The following DYNC1I1 variants were observed in gnomAD, a reference collection of about 807,000 sequenced individuals.
The protein encoded by DYNC1I1 is dynein cytoplasmic 1 intermediate chain 1.
DYNC1I1 carries 43 observed loss-of-function variants against 86.6 expected under a neutral mutation model. That is an observed-to-expected ratio of 0.50 (90% CI 0.39 to 0.64). DYNC1I1 has a LOEUF of 0.64. DYNC1I1 is among the 30% of genes least tolerant of loss of function. DYNC1I1 has a pLI of 0.00. For synonymous variants in DYNC1I1, 262 were observed against 283.7 expected, an observed-to-expected ratio of 0.92 and a Z score of 0.77; for missense variants, 604 against 788.8, an observed-to-expected ratio of 0.77 and a Z score of 2.81.
intron 13 of DYNC1I1, 56 bp downstream of exon 13, chr7:96,035,808 TCA>T: frequency 6.3e-7 from 1 of 1,593,226 alleles, no homozygotes; most frequent in African/African-American, 1.4e-5. Flanking sequence ...AAGTCTGTTA[TCA>T]CATTCTGGAT....
chr7:95,785,124 A>G (rs1195383007), intron 1 of DYNC1I1, among the ~76,000 whole-genome samples: 3 of 152,202 alleles, frequency 2.0e-5, no homozygotes, highest in Non-Finnish European at 4.4e-5. Context: ...TGTGACAGCC[A>G]TTAAAAACAA....
chr7:95,972,506 G>A (rs1053647863), intron 6 of DYNC1I1, among the ~76,000 whole-genome samples: 16 of 151,596 alleles, frequency 1.1e-4, no homozygotes, highest in African/African-American at 3.4e-4. Flanking sequence ...CCTGGGCTTC[G>A]AGAGAGGAAA....
At chr7:96,089,459 G>A (rs1228819728) in intron 16 of DYNC1I1, among the ~76,000 whole-genome samples, 1 of 152,090 alleles carries the variant, frequency 6.6e-6, no homozygotes, top group East Asian at 1.9e-4. Context: ...TAGCCTCCAA[G>A]TTGGCTACAG....
At position 95,830,888 on chromosome 7, in the gene DYNC1I1, A is replaced by T. The variant is rs140558515; in HGVS notation, c.374+2772A>T. 1.7e-3 allele frequency among the ~76,000 whole-genome samples: 260 copies of T among 152,236 alleles called. 2 individuals are homozygous for T. The highest frequency in any genetic ancestry group is 0.013 in the South Asian group (61 of 4,826). ...CGCTTAGTTTGAGCTTCTTAAAAGA[A>T]ATTATTAATTTGTTAACTATTATTA... On this transcript the variant is annotated intron_variant, in intron 5 of 16. Coordinates refer to ENST00000447467, the MANE Select transcript of DYNC1I1 (RefSeq NM_001135556.2).
chr7:96,092,766 T>G (rs576913155), intron 16 of DYNC1I1, among the ~76,000 whole-genome samples: 4 of 152,266 alleles, frequency 2.6e-5, no homozygotes, highest in African/African-American at 9.6e-5. Flanking sequence ...AAATGATACA[T>G]TTTCATGAAT....
At chr7:95,991,014 T>C (rs1422653787) in intron 9 of DYNC1I1, among the ~76,000 whole-genome samples, 1 of 149,734 alleles carries the variant, frequency 6.7e-6, no homozygotes, top group Non-Finnish European at 1.5e-5. Context: ...GGGAGACAGA[T>C]CAAGACCCTG....
In DYNC1I1 at chr7:95,917,592, G is replaced by A. The variant is rs546113852; in HGVS notation, c.490+47594G>A. 9.9e-5 allele frequency among the ~76,000 whole-genome samples: 15 copies of A among 152,210 alleles called. 1 individual carries two copies. The highest frequency in any genetic ancestry group is 4.6e-4 in the Admixed American group (7 of 15,292). The stretch of plus-strand genomic sequence containing the variant: ...CCAATCCCTTCAGTCATTCAAAAAC[G>A]GTACAAGTTGCTGAAGACGTTGTGG... On this transcript the variant is annotated intron_variant, in intron 6 of 16. Transcript: ENST00000447467.
At chr7:96,106,047 T>A (rs958362319) in intron 16 of DYNC1I1, among the ~76,000 whole-genome samples, 1 of 152,154 alleles carries the variant, frequency 6.6e-6, no homozygotes, top group African/African-American at 2.4e-5. Flanking sequence ...AAATAAAAGG[T>A]CTTGCTAGGA....
chr7:95,887,168 A>G (rs1790615382), intron 6 of DYNC1I1, among the ~76,000 whole-genome samples: 1 of 152,084 alleles, frequency 6.6e-6, no homozygotes, highest in Non-Finnish European at 1.5e-5. Flanking sequence ...TCACCTAGGG[A>G]GCTTTAAAAA....
chr7:96,075,922 T>C (rs1456291382), intron 14 of DYNC1I1, 135 bp from the exon 15 acceptor site: 1 of 1,217,636 alleles, frequency 8.2e-7, no homozygotes, highest in East Asian at 2.6e-5. Flanking sequence ...AAAGCTCCGG[T>C]TCACCTTCTC....
At chr7:95,813,187 C>A in intron 3 of DYNC1I1, 60 bp from the exon 4 acceptor site, 1 of 1,608,640 alleles carries the variant, frequency 6.2e-7, no homozygotes, top group South Asian at 1.1e-5. Context: ...TGACACTGCT[C>A]TTCACCAGTG....
At chr7:95,823,860 G>A (rs141081387) in intron 4 of DYNC1I1, among the ~76,000 whole-genome samples, 9 of 148,944 alleles carry the variant, frequency 6.0e-5, no homozygotes, top group Non-Finnish European at 8.9e-5. Flanking sequence ...TAAGCACTGC[G>A]GAAAATGAAT....
chr7:95,816,014 A>AT (rs11458012), intron 4 of DYNC1I1, among the ~76,000 whole-genome samples: 91,214 of 147,078 alleles, frequency 0.62, 28,469 homozygotes, highest in African/African-American at 0.74. Flanking sequence ...CCTCTTATTG[A>AT]TTTTTTTTTT....
chr7:96,055,674 G>A (rs1175950425), intron 14 of DYNC1I1: 1 of 147,770 alleles, frequency 6.8e-6, no homozygotes, highest in Non-Finnish European at 1.5e-5. Context: ...GTGTAATTAT[G>A]CACTAAATTG....
chr7:95,836,043 A>G (rs1489846279), intron 5 of DYNC1I1, among the ~76,000 whole-genome samples: 1 of 152,122 alleles, frequency 6.6e-6, no homozygotes, highest in African/African-American at 2.4e-5. Context: ...TTTGCTCGTT[A>G]GTTGATGCAG....
intron 1 of DYNC1I1, among the ~76,000 whole-genome samples, chr7:95,799,130 C>A (rs1396382168): frequency 1.3e-5 from 2 of 152,060 alleles, no homozygotes; most frequent in African/African-American, 2.4e-5. Flanking sequence ...ATGCTTATAA[C>A]CCCAGCGAAG....
At chr7:95,968,098 G>A (rs1793063482) in intron 6 of DYNC1I1, among the ~76,000 whole-genome samples, 1 of 151,918 alleles carries the variant, frequency 6.6e-6, no homozygotes, top group Non-Finnish European at 1.5e-5. Context: ...ATCAGACAGT[G>A]TTGTTTGTAG....
At chr7:95,923,560 G>A (rs925380460) in intron 6 of DYNC1I1, among the ~76,000 whole-genome samples, 1 of 152,144 alleles carries the variant, frequency 6.6e-6, no homozygotes, top group Non-Finnish European at 1.5e-5. Context: ...CTATCCACAC[G>A]CAAAATATTA....
At chr7:96,025,844 G>C (rs1053110658) in intron 10 of DYNC1I1, among the ~76,000 whole-genome samples, 1 of 151,782 alleles carries the variant, frequency 6.6e-6, no homozygotes, top group Admixed American at 6.6e-5. Context: ...AGCTTGCGGG[G>C]GGGGGATATT....
Sources: gnomAD v4.1 joint callset for allele counts (sites outside exome capture counted in the v4.1 genomes callset) on GRCh38, gnomAD v4.1.1 for gene constraint, MANE v1.5 for transcripts, NCBI Gene and HGNC (gene_info 2026-07-23, HGNC 2026-07-21) for gene names.